The following LTBP1 variants were observed in gnomAD, a reference collection of about 807,000 sequenced individuals.
LTBP1 encodes latent transforming growth factor beta binding protein 1.
A neutral mutation model predicts 207.6 loss-of-function variants in LTBP1; 129 were observed. That is an observed-to-expected ratio of 0.62 (90% CI 0.54 to 0.72). The LOEUF (loss-of-function observed/expected upper bound fraction) is 0.72. LTBP1 is among the 30% of genes least tolerant of loss of function. The pLI is 0.00. For missense variants in LTBP1, 2,281 were observed against 2,217.2 expected, an observed-to-expected ratio of 1.03 and a Z score of -0.58; for synonymous variants, 963 against 833.7, an observed-to-expected ratio of 1.16 and a Z score of -2.67.
chr2:33,045,821 G>T (rs1031302368), intron 3 of LTBP1, among the ~76,000 whole-genome samples: 4 of 152,096 alleles, frequency 2.6e-5, no homozygotes, highest in African/African-American at 9.7e-5. Flanking sequence ...CCTTGAAGAG[G>T]TCCTTCACAT....
intron 32 of LTBP1, among the ~76,000 whole-genome samples, chr2:33,396,714 C>G (rs1215934969): frequency 6.6e-6 from 1 of 152,204 alleles, no homozygotes; most frequent in African/African-American, 2.4e-5. Flanking sequence ...TTGCCTCACA[C>G]TCTTACGGAC....
chr2:33,225,868 A>G (rs753384397), intron 9 of LTBP1, among the ~76,000 whole-genome samples: 3 of 152,270 alleles, frequency 2.0e-5, no homozygotes, highest in East Asian at 3.9e-4. Context: ...TTCACTTAAC[A>G]TAATGTCCTC....
chr2:33,303,583 C>G (rs895877924), intron 22 of LTBP1, among the ~76,000 whole-genome samples: 2 of 152,108 alleles, frequency 1.3e-5, no homozygotes, highest in African/African-American at 4.8e-5. Flanking sequence ...ATCTCCTGAC[C>G]TCGTGATCCG....
At chr2:33,326,735 TG>T (rs2094433354) in intron 24 of LTBP1, among the ~76,000 whole-genome samples, 1 of 151,968 alleles carries the variant, frequency 6.6e-6, no homozygotes, top group Non-Finnish European at 1.5e-5. Flanking sequence ...CTCAGGTCAT[TG>T]CCGCCTCCGC....
intron 10 of LTBP1, among the ~76,000 whole-genome samples, chr2:33,246,099 A>T (rs543427823): frequency 3.9e-5 from 6 of 152,360 alleles, no homozygotes; most frequent in African/African-American, 1.4e-4. Context: ...ATTCAATTTT[A>T]TGGTTCAGCT....
At chr2:33,173,622 G>T (rs1185442334) in intron 5 of LTBP1, among the ~76,000 whole-genome samples, 1 of 113,930 alleles carries the variant, frequency 8.8e-6, no homozygotes, top group Non-Finnish European at 2.0e-5. Flanking sequence ...TCCAATCAAT[G>T]GAAAAAGAGG....
intron 31 of LTBP1, among the ~76,000 whole-genome samples, chr2:33,371,327 TC>T (rs1352174664): frequency 6.6e-5 from 10 of 152,128 alleles, no homozygotes; most frequent in African/African-American, 2.4e-4. Flanking sequence ...CTCTTCTCCT[TC>T]CCCTTTCACA....
At position 33,081,245 on chromosome 2, in the gene LTBP1, G is replaced by A. The variant is rs114528379; in HGVS notation, c.864-29337G>A. Among the ~76,000 whole-genome samples the A allele has an allele frequency of 3.4e-3, 513 of 152,198 alleles. 3 individuals carry two copies. The highest frequency in any genetic ancestry group is 0.011 in the African/African-American group (469 of 41,530). On this transcript the variant is annotated intron_variant, in intron 3 of 33. Coordinates refer to ENST00000404816, the MANE Select transcript of LTBP1 (RefSeq NM_206943.4). Reference sequence around the variant, plus strand: ...AATGAAGATTTTAGGACCGGCTTCAGGGGAGAAGGGCCAGGGAAGGTGAGA... The same window carrying A: ...AATGAAGATTTTAGGACCGGCTTCAAGGGAGAAGGGCCAGGGAAGGTGAGA...
intron 2 of LTBP1, among the ~76,000 whole-genome samples, chr2:33,001,733 A>G (rs1686082254): frequency 7.4e-6 from 1 of 134,884 alleles, no homozygotes; most frequent in African/African-American, 2.6e-5. Flanking sequence ...CTCATCGTAT[A>G]GGCCCTGCCA....
Position 32,962,060 on chromosome 2 carries a change from G to C in LTBP1, c.565+13115G>C, listed in dbSNP as rs147954499. 4.9e-3 allele frequency among the ~76,000 whole-genome samples: 745 copies of C among 151,914 alleles called. 11 individuals carry two copies. Among genetic ancestry groups the C allele is most frequent in the African/African-American group, 0.017 (721 of 41,372 alleles). On this transcript the variant is annotated intron_variant, in intron 2 of 33. Coordinates refer to ENST00000404816, the MANE Select transcript of LTBP1 (RefSeq NM_206943.4). ...GTACACTTTTTTTAATAATGTGTTG[G>C]TGCATTTCTTGTCTTGAAAAATGGA...
In LTBP1 at chr2:33,397,294, G is replaced by C; in HGVS notation, c.4984+12G>C. The C allele has an allele frequency of 6.2e-7, 1 of 1,613,740 alleles. No homozygotes were observed. Among genetic ancestry groups the C allele is most frequent in the Non-Finnish European group, 8.5e-7 (1 of 1,179,748 alleles). On this transcript the variant is annotated intron_variant, in intron 33 of 33. Transcript: ENST00000404816. ...GATGACCTGTGTCGGTAAGAATGAC[G>C]TGTGTTTTATGGGACATTAATTTTT...
chr2:33,394,778 G>A (rs1276017351), intron 32 of LTBP1, among the ~76,000 whole-genome samples: 1 of 152,144 alleles, frequency 6.6e-6, no homozygotes, highest in Non-Finnish European at 1.5e-5. Flanking sequence ...GGATTGTCTT[G>A]GCAATGCAGG....
chr2:33,044,009 C>G (rs948495235), intron 3 of LTBP1, among the ~76,000 whole-genome samples: 2 of 150,358 alleles, frequency 1.3e-5, no homozygotes, highest in African/African-American at 4.9e-5. Context: ...GACTCTTAGA[C>G]TCTATATTCA....
chr2:33,082,431 ACTTTTTTTTTTTTTTTTTTTTT>A (rs1157416737), intron 3 of LTBP1, among the ~76,000 whole-genome samples: 142 of 116,038 alleles, frequency 1.2e-3, no homozygotes, highest in Middle Eastern at 9.6e-3. Context: ...AGTATGACTC[ACTTTTTTTTTTTTTTTTTTTTT>A]TTTTTTTTTT....
intron 31 of LTBP1, among the ~76,000 whole-genome samples, chr2:33,382,953 T>C (rs2095232866): frequency 6.6e-6 from 1 of 152,238 alleles, no homozygotes; most frequent in African/African-American, 2.4e-5. Context: ...ATTGTGGCAA[T>C]ACCCAAGGAG....
intron 10 of LTBP1, among the ~76,000 whole-genome samples, chr2:33,251,267 T>C (rs1411191177): frequency 6.6e-6 from 1 of 152,088 alleles, no homozygotes; most frequent in African/African-American, 2.4e-5. Context: ...AGAAATCTTA[T>C]GGAGACTACA....
chr2:33,297,993 A>T (rs2093913950), intron 20 of LTBP1, among the ~76,000 whole-genome samples: 1 of 152,146 alleles, frequency 6.6e-6, no homozygotes, highest in East Asian at 1.9e-4. Flanking sequence ...AACTGGGGTC[A>T]TGGGTTTTTG....
intron 5 of LTBP1, among the ~76,000 whole-genome samples, chr2:33,170,789 G>T (rs983007003): frequency 3.3e-5 from 5 of 152,020 alleles, no homozygotes. Context: ...ACCTCACACG[G>T]CCGGGTACTC....
intron 2 of LTBP1, among the ~76,000 whole-genome samples, chr2:32,976,435 A>G (rs537604513): frequency 4.6e-5 from 7 of 152,302 alleles, no homozygotes; most frequent in African/African-American, 1.2e-4. Context: ...TTAAGTTTTC[A>G]TAGGCACTAT....
Sources: allele counts gnomAD v4.1 joint callset (sites outside exome capture counted in the v4.1 genomes callset), GRCh38; gene constraint gnomAD v4.1.1; transcripts MANE v1.5; gene names NCBI Gene and HGNC (gene_info 2026-07-23, HGNC 2026-07-21).